CCSER1: variants seen among roughly 807,000 people sequenced by gnomAD.
CCSER1 encodes coiled-coil serine rich protein 1.
In CCSER1, 41 loss-of-function variants were observed where a neutral mutation model predicts 82.0. The observed-to-expected ratio is 0.50, with a 90% CI of 0.39 to 0.65. CCSER1 has a LOEUF of 0.65. Ranked by LOEUF, CCSER1 falls within the 30% of genes least tolerant of loss-of-function variation. CCSER1 has a pLI of 0.00. For synonymous variants in CCSER1, 414 were observed against 383.9 expected (o/e 1.08, Z -0.92); for missense variants, 1,119 against 1,064.2 (o/e 1.05, Z -0.72).
intron 5 of CCSER1, among the ~76,000 whole-genome samples, chr4:90,564,775 A>G (rs1431409128): frequency 6.6e-6 from 1 of 152,004 alleles, no homozygotes; most frequent in Non-Finnish European, 1.5e-5. Context: ...TTCATTGAAG[A>G]CACTGTTCTT....
intron 10 of CCSER1, among the ~76,000 whole-genome samples, chr4:91,396,021 A>T (rs1219348294): frequency 3.9e-5 from 6 of 152,020 alleles, no homozygotes; most frequent in African/African-American, 1.4e-4. Flanking sequence ...CGTGCTCCCC[A>T]TATCCGTGTA....
intron 10 of CCSER1, among the ~76,000 whole-genome samples, chr4:91,557,365 T>C (rs1385483232): frequency 6.6e-6 from 1 of 151,490 alleles, no homozygotes. Flanking sequence ...CAACATCATA[T>C]TTACTCTTAT....
chr4:90,150,374 A>C (rs1726595762), intron 1 of CCSER1, among the ~76,000 whole-genome samples: 1 of 152,076 alleles, frequency 6.6e-6, no homozygotes, highest in Non-Finnish European at 1.5e-5. Context: ...AAATGTGGGC[A>C]AAAAAAGTGG....
rs867979283 is a variant in CCSER1, at chr4:90,732,062, A to T, written c.2010+8071A>T. ...CTCTCTCTCTCTCTCTCTCTCTCTC[A>T]CTGCTCTATTCTACTTCTGCCTCCC... On this transcript the variant is annotated intron_variant, in intron 7 of 10. Coordinates refer to ENST00000509176, the MANE Select transcript of CCSER1 (RefSeq NM_001145065.2). Among the ~76,000 whole-genome samples the T allele has an allele frequency of 8.6e-3, 652 of 75,820 alleles. 3 individuals carry two copies. Among genetic ancestry groups the T allele is most frequent in the African/African-American group, 0.042 (577 of 13,738 alleles). 49.7% of individuals were successfully genotyped at this position (75,820 alleles called of 152,430 possible). A position where few individuals can be genotyped will look rare whatever the true frequency, so the allele number is the denominator to read the frequency against.
intron 8 of CCSER1, among the ~76,000 whole-genome samples, chr4:90,837,143 T>C (rs1380438564): frequency 6.6e-6 from 1 of 152,204 alleles, no homozygotes; most frequent in Non-Finnish European, 1.5e-5. Context: ...TGACTCACAT[T>C]CAGTTAACCA....
intron 6 of CCSER1, among the ~76,000 whole-genome samples, chr4:90,668,974 A>C (rs1056417290): frequency 1.3e-5 from 2 of 152,116 alleles, no homozygotes; most frequent in African/African-American, 4.8e-5. Context: ...TAATATAATA[A>C]GGGCCATAAG....
Position 91,599,191 on chromosome 4 carries a change from T to C in CCSER1, c.*134T>C, listed in dbSNP as rs960735947. ...CAGAGTTGTGTTGTTGGGTTTTTTT[T>C]CTTAGTCATAAACAAAGACTTGTGG... On this transcript the variant is annotated 3_prime_UTR_variant, in exon 11 of 11. Transcript: ENST00000509176. 46 of 1,173,760 alleles carry C rather than the reference T, an allele frequency of 3.9e-5. No individual in the cohort carries two copies. In the African/African-American group the frequency reaches 4.5e-4, roughly 11 times the overall value. 72.7% of individuals were successfully genotyped at this position (1,173,760 alleles called of 1,614,324 possible). A position where few individuals can be genotyped will look rare whatever the true frequency, so the allele number is the denominator to read the frequency against.
intron 8 of CCSER1, among the ~76,000 whole-genome samples, chr4:90,819,536 C>G (rs1759466966): frequency 6.6e-6 from 1 of 151,914 alleles, no homozygotes; most frequent in Non-Finnish European, 1.5e-5. Context: ...TTTTTTATTG[C>G]TGGGTGGGTA....
rs115483297 is a variant in CCSER1, at chr4:90,872,210, C to T, written c.2095-51160C>T. 9.5e-3 allele frequency among the ~76,000 whole-genome samples: 1,447 copies of T among 151,702 alleles called. 25 individuals are homozygous for T. Among genetic ancestry groups the T allele is most frequent in the African/African-American group, 0.033 (1,378 of 41,496 alleles). ...GATTTACTACTGCCATTTTGTTTCT[C>T]GTTTTCCAGTTATTTTGTATTTTTT... is the stretch of plus-strand genomic sequence containing the variant. On this transcript the variant is annotated intron_variant, in intron 8 of 10. Transcript: ENST00000509176.
rs556625371 is a variant in CCSER1 at position 90,984,924 on chromosome 4, C to T, written c.2172+61477C>T. On this transcript the variant is annotated intron_variant, in intron 9 of 10. Coordinates refer to ENST00000509176, the MANE Select transcript of CCSER1 (RefSeq NM_001145065.2). ...TGTGTTTTGTCTTAAATTCCACTGT[C>T]TGACTTATTTCCAGACACTGCCCCC... is the stretch of plus-strand genomic sequence containing the variant. Among the ~76,000 whole-genome samples, 58 of 151,800 alleles carry T rather than the reference C, an allele frequency of 3.8e-4. 1 individual carries two copies. Among genetic ancestry groups the T allele is most frequent in the African/African-American group, 1.3e-3 (56 of 41,490 alleles).
chr4:90,221,249 G>T (rs1428921971), intron 1 of CCSER1, among the ~76,000 whole-genome samples: 2 of 152,128 alleles, frequency 1.3e-5, no homozygotes, highest in African/African-American at 4.8e-5. Context: ...ATTGTGGAGA[G>T]AGTAGATAAT....
intron 10 of CCSER1, among the ~76,000 whole-genome samples, chr4:91,455,521 G>A (rs1276782384): frequency 6.6e-6 from 1 of 152,002 alleles, no homozygotes; most frequent in Non-Finnish European, 1.5e-5. Flanking sequence ...GAAACAGACA[G>A]CAAGGCCTCA....
At chr4:91,026,539 A>T (rs186983387) in intron 9 of CCSER1, among the ~76,000 whole-genome samples, 1 of 152,246 alleles carries the variant, frequency 6.6e-6, no homozygotes, top group East Asian at 1.9e-4. Context: ...ATTATACCAA[A>T]CTACTTTGAA....
intron 10 of CCSER1, among the ~76,000 whole-genome samples, chr4:91,491,418 G>A (rs1283098801): frequency 6.6e-6 from 1 of 151,820 alleles, no homozygotes; most frequent in Non-Finnish European, 1.5e-5. Context: ...GTATATGATG[G>A]GAAATTAGAT....
intron 10 of CCSER1, among the ~76,000 whole-genome samples, chr4:91,530,737 G>C (rs1346409304): frequency 6.6e-6 from 1 of 150,796 alleles, no homozygotes; most frequent in Non-Finnish European, 1.5e-5. Flanking sequence ...AGGGCGGACA[G>C]AGTGCACTGG....
In CCSER1 at chr4:90,127,439, C is replaced by G. The variant is rs1479058492; in HGVS notation, c.-434C>G. The stretch of plus-strand genomic sequence containing the variant: ...GCCGGGGAGGTGGATCTCGCGCTCC[C>G]CACACAGTCACACTCCGCGCACTCA... On this transcript the variant is annotated 5_prime_UTR_variant, in exon 1 of 11. Coordinates refer to ENST00000509176, the MANE Select transcript of CCSER1 (RefSeq NM_001145065.2). The G allele has an allele frequency of 1.3e-5, 2 of 152,504 alleles. No homozygotes were observed. The highest frequency in any genetic ancestry group is 2.9e-5 in the Non-Finnish European group (2 of 68,300). 9.4% of individuals were successfully genotyped at this position (152,504 alleles called of 1,614,324 possible).
intron 3 of CCSER1, among the ~76,000 whole-genome samples, chr4:90,364,656 A>C (rs1745952457): frequency 6.6e-6 from 1 of 152,024 alleles, no homozygotes; most frequent in Non-Finnish European, 1.5e-5. Flanking sequence ...CTATGTACTC[A>C]GCCCTAATTC....
At chr4:90,618,841 A>C (rs1721781896) in intron 5 of CCSER1, among the ~76,000 whole-genome samples, 1 of 151,870 alleles carries the variant, frequency 6.6e-6, no homozygotes, top group Non-Finnish European at 1.5e-5. Context: ...TTGTGACTTA[A>C]AAAAAGCCTT....
At chr4:90,369,280 AAAG>A (rs1374691447) in intron 3 of CCSER1, among the ~76,000 whole-genome samples, 2 of 147,744 alleles carry the variant, frequency 1.4e-5, no homozygotes, top group East Asian at 4.0e-4. Flanking sequence ...GAAGAAGAAG[AAAG>A]AAAGGAGGAG....
Sources: allele counts gnomAD v4.1 joint callset (sites outside exome capture counted in the v4.1 genomes callset), GRCh38; gene constraint gnomAD v4.1.1; transcripts MANE v1.5; gene names NCBI Gene and HGNC (gene_info 2026-07-23, HGNC 2026-07-21).